Variants in ELOVL2 observed in about 807,000 individuals in gnomAD.
ELOVL2 encodes ELOVL fatty acid elongase 2.
In ELOVL2, 38 loss-of-function variants were observed where a neutral mutation model predicts 37.7. The observed-to-expected ratio is 1.01, with a 90% CI of 0.78 to 1.32. The LOEUF (loss-of-function observed/expected upper bound fraction) is 1.32, where lower values mean the gene tolerates loss of function less well. Ranked by LOEUF, ELOVL2 falls within the 40% of genes most tolerant of loss-of-function variation. The pLI is 0.00. For missense variants in ELOVL2, 352 were observed against 363.6 expected, an observed-to-expected ratio of 0.97 and a Z score of 0.26; for synonymous variants, 115 against 122.3, an observed-to-expected ratio of 0.94 and a Z score of 0.40.
chr6:10,990,022 C>T (rs1177837455), intron 6 of ELOVL2, among the ~76,000 whole-genome samples, 185 bp from the exon 7 acceptor site: 3 of 152,156 alleles, frequency 2.0e-5, no homozygotes, highest in African/African-American at 4.8e-5. Context: ...GTGAAATTGC[C>T]CATGATTTCC....
chr6:11,022,024 G>A (rs755913351), intron 1 of ELOVL2, among the ~76,000 whole-genome samples: 3 of 152,150 alleles, frequency 2.0e-5, no homozygotes, highest in East Asian at 1.9e-4. Flanking sequence ...GGGGTCTGTC[G>A]CTTGGGATTC....
Position 11,011,282 on chromosome 6 carries a change from C to T in ELOVL2, c.4-473G>A, listed in dbSNP as rs979920471. 7.9e-5 allele frequency among the ~76,000 whole-genome samples: 12 copies of T among 151,626 alleles called. No homozygotes were observed. The South Asian group carries it at 8.3e-4, about 11-fold the overall frequency. On this transcript the variant is annotated intron_variant, in intron 1 of 7. Coordinates refer to ENST00000354666, the MANE Select transcript of ELOVL2 (RefSeq NM_017770.4). Reference sequence around the variant, plus strand: ...TCAGGAGGCTGAGGCAGAAGAATGGCGTGAACCCGAGAGGCAGAGCTTGCA... The same window carrying T: ...TCAGGAGGCTGAGGCAGAAGAATGGTGTGAACCCGAGAGGCAGAGCTTGCA...
chr6:11,026,768 C>CT (rs1274680635), intron 1 of ELOVL2, among the ~76,000 whole-genome samples: 1 of 152,242 alleles, frequency 6.6e-6, no homozygotes. Context: ...TTATTGCCGT[C>CT]TGTGGATCAT....
At chr6:10,984,467 G>A (rs1217431086) in intron 7 of ELOVL2, among the ~76,000 whole-genome samples, 4 of 149,452 alleles carry the variant, frequency 2.7e-5, no homozygotes, top group African/African-American at 4.9e-5. Context: ...CCATTAACTC[G>A]TCATTTAGCA....
chr6:11,039,379 T>C (rs1009777504), intron 1 of ELOVL2, among the ~76,000 whole-genome samples: 2 of 152,216 alleles, frequency 1.3e-5, no homozygotes, highest in Non-Finnish European at 2.9e-5. Flanking sequence ...CAAGTTTCAT[T>C]GCTATTGTGG....
intron 1 of ELOVL2, among the ~76,000 whole-genome samples, chr6:11,039,682 C>G (rs956632376): frequency 6.6e-6 from 1 of 152,166 alleles, no homozygotes; most frequent in Non-Finnish European, 1.5e-5. Flanking sequence ...TCTGATATTT[C>G]CTGAAAGGAA....
At chr6:11,018,277 C>T (rs1224715551) in intron 1 of ELOVL2, among the ~76,000 whole-genome samples, 4 of 151,912 alleles carry the variant, frequency 2.6e-5, no homozygotes, top group Non-Finnish European at 4.4e-5. Flanking sequence ...TTTAGTCATC[C>T]TAGGAATTAT....
rs999202564 is a variant in ELOVL2 at position 10,992,962 on chromosome 6, G to C, written c.505+2045C>G. Among the ~76,000 whole-genome samples, 28 of 152,260 alleles carry C rather than the reference G, an allele frequency of 1.8e-4. 1 individual carries two copies. The highest frequency in any genetic ancestry group is 5.8e-4 in the African/African-American group (24 of 41,558). On this transcript the variant is annotated intron_variant, in intron 5 of 7. Transcript: ENST00000354666. ...AATCCTAGCACTTTAGGAAGCTGAG[G>C]GGGGAGGATTGCTTGAGCCCACGAG...
chr6:11,021,941 T>G (rs1258763520), intron 1 of ELOVL2, among the ~76,000 whole-genome samples: 1 of 152,306 alleles, frequency 6.6e-6, no homozygotes, highest in East Asian at 1.9e-4. Context: ...GAGTGTCAGA[T>G]GCTGACAGGG....
chr6:10,985,760 A>G (rs1241278835), intron 7 of ELOVL2, among the ~76,000 whole-genome samples: 2 of 152,052 alleles, frequency 1.3e-5, no homozygotes, highest in Non-Finnish European at 1.5e-5. Context: ...GCCTTGTAGT[A>G]TAGTTTGAAG....
chr6:11,043,212 T>C (rs1166752011), intron 1 of ELOVL2, among the ~76,000 whole-genome samples: 1 of 152,064 alleles, frequency 6.6e-6, no homozygotes, highest in African/African-American at 2.4e-5. Context: ...TAACAAGTCC[T>C]GAAGTGGAGA....
intron 1 of ELOVL2, among the ~76,000 whole-genome samples, chr6:11,011,122 T>A (rs901324708): frequency 6.6e-6 from 1 of 152,120 alleles, no homozygotes; most frequent in African/African-American, 2.4e-5. Flanking sequence ...CGCAGCACTT[T>A]GGGAGGCTGA....
chr6:11,036,010 T>C (rs1425487280), intron 1 of ELOVL2, among the ~76,000 whole-genome samples: 3 of 152,346 alleles, frequency 2.0e-5, no homozygotes, highest in East Asian at 1.9e-4. Context: ...GTAGAGAGCA[T>C]ATTTCTTTCC....
At chr6:11,011,911 C>T (rs1381578518) in intron 1 of ELOVL2, among the ~76,000 whole-genome samples, 2 of 152,160 alleles carry the variant, frequency 1.3e-5, no homozygotes, top group Non-Finnish European at 2.9e-5. Context: ...GTGGGGCCAG[C>T]GGGTTGGTCC....
chr6:10,993,157 C>G (rs1782196741), intron 5 of ELOVL2, among the ~76,000 whole-genome samples: 1 of 152,146 alleles, frequency 6.6e-6, no homozygotes, highest in South Asian at 2.1e-4. Context: ...CATTTGTTTG[C>G]TGTTCCATGA....
intron 1 of ELOVL2, among the ~76,000 whole-genome samples, chr6:11,014,598 C>T (rs1004307978): frequency 2.7e-5 from 4 of 150,764 alleles, no homozygotes; most frequent in Admixed American, 2.6e-4. Flanking sequence ...CTTGCCTCTC[C>T]AGCAGTAGTC....
intron 1 of ELOVL2, 22 bp from the exon 2 acceptor site, chr6:11,010,831 G>T (rs571433035): frequency 3.8e-6 from 6 of 1,577,326 alleles, no homozygotes; most frequent in South Asian, 2.3e-5. Context: ...AAGAAAAAAT[G>T]ATTTAAGTGT....
intron 2 of ELOVL2, among the ~76,000 whole-genome samples, chr6:11,008,315 C>T (rs186793577): frequency 6.6e-6 from 1 of 152,356 alleles, no homozygotes; most frequent in Admixed American, 6.5e-5. Context: ...ATCCTTTCCT[C>T]AATTGATCCC....
At chr6:11,042,245 G>A (rs1175968713) in intron 1 of ELOVL2, among the ~76,000 whole-genome samples, 1 of 152,082 alleles carries the variant, frequency 6.6e-6, no homozygotes, top group Admixed American at 6.5e-5. Flanking sequence ...CCCAGGAGGT[G>A]GAGGTTGCAG....
Sources: gnomAD v4.1 joint callset for allele counts (sites outside exome capture counted in the v4.1 genomes callset) on GRCh38, gnomAD v4.1.1 for gene constraint, MANE v1.5 for transcripts, NCBI Gene and HGNC (gene_info 2026-07-23, HGNC 2026-07-21) for gene names.